NDST3: variants seen among roughly 807,000 people sequenced by gnomAD.
NDST3 encodes the protein bifunctional heparan sulfate N-deacetylase/N-sulfotransferase 3.
In NDST3, 58 loss-of-function variants were observed where a neutral mutation model predicts 96.1. The ratio of observed to expected loss-of-function variants is 0.60; its 90% CI spans 0.49 to 0.75. NDST3 has a LOEUF of 0.75. NDST3 is among the 30% of genes least tolerant of loss of function. The pLI is 0.00. For synonymous variants in NDST3, 333 were observed against 359.7 expected (o/e 0.93, Z 0.84); for missense variants, 788 against 1,034.2 (o/e 0.76, Z 3.27).
Position 118,204,433 on chromosome 4 carries a change from G to A in NDST3, c.1540-20058G>A, listed in dbSNP as rs183163464. ...TGCAGCCACGTGGTGGAAGATTTACGGTCACAAAAAGGAAAGTGACATACA... is the reference window on the plus strand; with the variant it reads ...TGCAGCCACGTGGTGGAAGATTTACAGTCACAAAAAGGAAAGTGACATACA... On this transcript the variant is annotated intron_variant, in intron 6 of 13. Coordinates refer to ENST00000296499, the MANE Select transcript of NDST3 (RefSeq NM_004784.3). 4.8e-5 allele frequency among the ~76,000 whole-genome samples: 7 copies of A among 144,546 alleles called. 2 individuals carry two copies. Among genetic ancestry groups the A allele is most frequent in the South Asian group, 2.3e-4 (1 of 4,292 alleles). 94.8% of individuals were successfully genotyped at this position (144,546 alleles called of 152,430 possible). A position where few individuals can be genotyped will look rare whatever the true frequency, so the allele number is the denominator to read the frequency against.
At chr4:118,164,405 C>T (rs1198234882) in intron 6 of NDST3, among the ~76,000 whole-genome samples, 2 of 152,022 alleles carry the variant, frequency 1.3e-5, no homozygotes. Flanking sequence ...GTCTTGGGTA[C>T]GTGGGTGATG....
At chr4:118,053,628 G>T in intron 1 of NDST3, 128 bp from the exon 2 acceptor site, 1 of 252,638 alleles carries the variant, frequency 4.0e-6, no homozygotes, top group Non-Finnish European at 7.6e-6. Flanking sequence ...AGAAAAGGGA[G>T]GGCTTCGAAT....
intron 6 of NDST3, among the ~76,000 whole-genome samples, chr4:118,149,659 A>C (rs1448170663): frequency 3.3e-5 from 5 of 151,052 alleles, no homozygotes; most frequent in African/African-American, 9.7e-5. Flanking sequence ...TTTTGGGCTG[A>C]GACAATGGGG....
intron 6 of NDST3, among the ~76,000 whole-genome samples, chr4:118,149,865 C>G (rs1485926936): frequency 6.6e-6 from 1 of 151,984 alleles, no homozygotes; most frequent in Non-Finnish European, 1.5e-5. Flanking sequence ...CAGTTTTTGC[C>G]CATTCAGTAT....
Position 118,054,572 on chromosome 4 carries a change from C to CA in NDST3, c.663dup (p.Val222SerfsTer5). On this transcript the variant is annotated frameshift_variant, in exon 2 of 14. Coordinates refer to ENST00000296499, the MANE Select transcript of NDST3 (RefSeq NM_004784.3). LOFTEE classifies it high-confidence loss of function. ...GGTTCTTTACCTGGAACTGACTGGA[C>CA]AGTTTTTCAGATTAATCATTCAGCC... 1 of 1,613,288 alleles carries CA rather than the reference C, an allele frequency of 6.2e-7. No individual in the cohort carries two copies. Among genetic ancestry groups the CA allele is most frequent in the Non-Finnish European group, 8.5e-7 (1 of 1,179,488 alleles).
chr4:118,059,087 C>T (rs1186617633), intron 2 of NDST3, among the ~76,000 whole-genome samples: 2 of 152,108 alleles, frequency 1.3e-5, no homozygotes, highest in African/African-American at 4.8e-5. Flanking sequence ...CCCTTCCTCT[C>T]TCTCTTTGAT....
intron 6 of NDST3, among the ~76,000 whole-genome samples, chr4:118,208,854 A>C (rs1008988333): frequency 6.9e-6 from 1 of 144,744 alleles, no homozygotes; most frequent in African/African-American, 2.5e-5. Context: ...AACAACAATT[A>C]ATCACTAGCT....
At chr4:118,208,935 C>A (rs972321450) in intron 6 of NDST3, among the ~76,000 whole-genome samples, 1 of 131,482 alleles carries the variant, frequency 7.6e-6, no homozygotes, top group Non-Finnish European at 1.7e-5. Context: ...CCTCTCCCCC[C>A]AGAGTGAATT....
intron 6 of NDST3, among the ~76,000 whole-genome samples, chr4:118,161,645 C>T (rs952047615): frequency 5.3e-5 from 8 of 152,084 alleles, no homozygotes; most frequent in Non-Finnish European, 1.0e-4. Flanking sequence ...TAGCAATCAG[C>T]GAGACTCCAT....
chr4:118,193,578 T>C, intron 6 of NDST3: 1 of 1,123,486 alleles, frequency 8.9e-7, no homozygotes, highest in Non-Finnish European at 1.4e-6. Context: ...GCAAGCTGCC[T>C]GCAGATCTGC....
chr4:118,152,273 G>T (rs1213504462), intron 6 of NDST3, among the ~76,000 whole-genome samples: 1 of 152,098 alleles, frequency 6.6e-6, no homozygotes, highest in Non-Finnish European at 1.5e-5. Flanking sequence ...ACTCATTTGT[G>T]TTGAGTTGAT....
intron 6 of NDST3, among the ~76,000 whole-genome samples, chr4:118,145,579 A>C (rs917531126): frequency 3.3e-5 from 5 of 152,218 alleles, no homozygotes; most frequent in African/African-American, 9.6e-5. Context: ...GTTTTTAAAA[A>C]CCTTACAGTA....
At chr4:118,193,797 G>T in intron 6 of NDST3, 1 of 1,486,356 alleles carries the variant, frequency 6.7e-7, no homozygotes, top group South Asian at 1.2e-5. Context: ...AGTTTCAGAT[G>T]ACACATGGCC....
rs1490054465 is a variant in NDST3, at chr4:118,257,674, ACT to A, written c.*1963_*1964del. 4 of 152,218 alleles carry A rather than the reference ACT, an allele frequency of 2.6e-5. No homozygotes were observed. Among genetic ancestry groups the A allele is most frequent in the Non-Finnish European group, 5.9e-5 (4 of 68,036 alleles). The allele number at this position is 152,218 out of a possible 1,614,324, so 9.4% of individuals were successfully genotyped here. On this transcript the variant is annotated 3_prime_UTR_variant, in exon 14 of 14. Transcript: ENST00000296499. ...AAATTTTTAACTGTACATTATAATT[ACT>A]TTTTTAAAGTTTCATGTACCTAAAG...
intron 6 of NDST3, among the ~76,000 whole-genome samples, chr4:118,183,513 C>T (rs1281661615): frequency 6.6e-6 from 1 of 152,140 alleles, no homozygotes; most frequent in East Asian, 1.9e-4. Context: ...TGAATCATCT[C>T]ACTAGTATAA....
intron 2 of NDST3, among the ~76,000 whole-genome samples, chr4:118,070,435 A>G (rs1726961370): frequency 6.6e-6 from 1 of 152,100 alleles, no homozygotes; most frequent in African/African-American, 2.4e-5. Context: ...GAGAATTCCA[A>G]GACTCTCTGG....
At chr4:118,040,436 C>CTCTT (rs375387853) in intron 1 of NDST3, among the ~76,000 whole-genome samples, 1 of 151,984 alleles carries the variant, frequency 6.6e-6, no homozygotes, top group African/African-American at 2.4e-5. Context: ...CTGATTGAGC[C>CTCTT]TCTTTCTTTC....
chr4:118,066,360 G>A lies in NDST3; in HGVS notation c.981+11469G>A, dbSNP rs1455696994. On this transcript the variant is annotated intron_variant, in intron 2 of 13. Transcript: ENST00000296499. Reference sequence around the variant, plus strand: ...ATATATTATATATCATATATCATATGTTATATATTATATATCATATATCAT... The same window carrying A: ...ATATATTATATATCATATATCATATATTATATATTATATATCATATATCAT... 6.7e-5 allele frequency among the ~76,000 whole-genome samples: 3 copies of A among 45,056 alleles called. 1 individual carries two copies. The highest frequency in any genetic ancestry group is 4.3e-4 in the African/African-American group (3 of 6,984). The allele number at this position is 45,056 out of a possible 152,430, so 29.6% of individuals were successfully genotyped here. A position where few individuals can be genotyped will look rare whatever the true frequency, so the allele number is the denominator to read the frequency against.
intron 6 of NDST3, among the ~76,000 whole-genome samples, chr4:118,208,128 G>A (rs1423073273): frequency 6.9e-6 from 1 of 144,016 alleles, no homozygotes; most frequent in African/African-American, 2.6e-5. Context: ...GTTATTTAAG[G>A]GAGTTATAAT....
Sources: allele counts gnomAD v4.1 joint callset (sites outside exome capture counted in the v4.1 genomes callset), GRCh38; gene constraint gnomAD v4.1.1; transcripts MANE v1.5; gene names NCBI Gene and HGNC (gene_info 2026-07-23, HGNC 2026-07-21).